The following MDGA2 variants were observed in gnomAD, a reference collection of about 807,000 sequenced individuals.
The protein encoded by MDGA2 is MAM domain-containing glycosylphosphatidylinositol anchor protein 2.
In MDGA2, 40 loss-of-function variants were observed where a neutral mutation model predicts 117.8. That is an observed-to-expected ratio of 0.34 (90% CI 0.26 to 0.44). The LOEUF (loss-of-function observed/expected upper bound fraction) is 0.44, where lower values mean the gene tolerates loss of function less well. Among genes scored for constraint, MDGA2 ranks in the 20% least tolerant of loss-of-function variants. MDGA2 has a pLI of 1.00. For missense variants in MDGA2, 1,123 were observed against 1,250.6 expected (o/e 0.90, Z 1.54); for synonymous variants, 452 against 439.0 (o/e 1.03, Z -0.37).
chr14:47,652,381 C>T (rs374185715), intron 1 of MDGA2, among the ~76,000 whole-genome samples: 5 of 152,164 alleles, frequency 3.3e-5, no homozygotes, highest in East Asian at 3.9e-4. Flanking sequence ...ACAGAGAAAT[C>T]GGAACTTTTA....
intron 8 of MDGA2, among the ~76,000 whole-genome samples, chr14:47,023,197 G>GCAAAAAAAAAAAAAAAAAAAAAAA: frequency 1.4e-5 from 1 of 69,616 alleles, no homozygotes. Flanking sequence ...ATTCCCACTC[G>GCAAAAAAAAAAAAAAAAAAAAAAA]TAAAAAAAAA....
At chr14:47,019,986 G>C (rs554721215) in intron 8 of MDGA2, among the ~76,000 whole-genome samples, 1 of 152,096 alleles carries the variant, frequency 6.6e-6, no homozygotes, top group Non-Finnish European at 1.5e-5. Context: ...CAGCGTAATT[G>C]GATGAATGCA....
At chr14:47,547,016 A>G (rs1216290760) in intron 1 of MDGA2, among the ~76,000 whole-genome samples, 1 of 152,192 alleles carries the variant, frequency 6.6e-6, no homozygotes, top group African/African-American at 2.4e-5. Context: ...TGTTTTTTAA[A>G]AAAAATTATC....
At chr14:47,436,139 T>C (rs558968312) in intron 1 of MDGA2, among the ~76,000 whole-genome samples, 2 of 152,206 alleles carry the variant, frequency 1.3e-5, no homozygotes, top group South Asian at 2.1e-4. Flanking sequence ...CAGGGAAAAC[T>C]CATCCATAAA....
chr14:47,182,632 T>A (rs958774536), intron 3 of MDGA2, among the ~76,000 whole-genome samples: 1 of 152,206 alleles, frequency 6.6e-6, no homozygotes, highest in South Asian at 2.1e-4. Flanking sequence ...ATACCCAGTC[T>A]GCAGTATTGT....
chr14:47,592,713 T>C (rs1896464189), intron 1 of MDGA2, among the ~76,000 whole-genome samples: 1 of 152,154 alleles, frequency 6.6e-6, no homozygotes, highest in African/African-American at 2.4e-5. Flanking sequence ...ACCATTTCCT[T>C]ACACCTTACA....
intron 1 of MDGA2, among the ~76,000 whole-genome samples, chr14:47,369,322 T>G (rs1349173125): frequency 6.6e-6 from 1 of 152,066 alleles, no homozygotes; most frequent in Non-Finnish European, 1.5e-5. Flanking sequence ...GAACAAAAAA[T>G]AATACAGAGA....
intron 8 of MDGA2, among the ~76,000 whole-genome samples, chr14:46,999,517 A>G (rs1887426899): frequency 6.6e-6 from 1 of 152,118 alleles, no homozygotes; most frequent in Non-Finnish European, 1.5e-5. Flanking sequence ...AGAGTAGAAA[A>G]AATTTTCCCC....
chr14:46,986,895 T>C (rs1954228), intron 8 of MDGA2, among the ~76,000 whole-genome samples: 40,333 of 151,976 alleles, frequency 0.27, 5,925 homozygotes, highest in African/African-American at 0.38. Context: ...TTGATTTTCA[T>C]GACCATTCTG....
chr14:47,632,326 T>C (rs1897257844), intron 1 of MDGA2, among the ~76,000 whole-genome samples: 1 of 152,192 alleles, frequency 6.6e-6, no homozygotes, highest in Non-Finnish European at 1.5e-5. Flanking sequence ...ATCCAATCAT[T>C]GAGTCCAAAC....
At chr14:46,972,154 G>C (rs1215933584) in intron 8 of MDGA2, among the ~76,000 whole-genome samples, 1 of 151,980 alleles carries the variant, frequency 6.6e-6, no homozygotes, top group African/African-American at 2.4e-5. Context: ...CAATCTAGTG[G>C]GGCTGAGTCC....
chr14:47,561,893 T>C (rs1379714302), intron 1 of MDGA2, among the ~76,000 whole-genome samples: 2 of 152,204 alleles, frequency 1.3e-5, no homozygotes, highest in Non-Finnish European at 2.9e-5. Flanking sequence ...TATTTTAAAG[T>C]ATATTCCTTC....
intron 1 of MDGA2, among the ~76,000 whole-genome samples, chr14:47,565,085 A>G (rs188120810): frequency 7.3e-5 from 11 of 151,400 alleles, no homozygotes; most frequent in Non-Finnish European, 1.5e-4. Flanking sequence ...CTTTGCTCCT[A>G]TCTGTATTCT....
intron 2 of MDGA2, among the ~76,000 whole-genome samples, chr14:47,218,739 A>G (rs1411096038): frequency 6.6e-6 from 1 of 152,084 alleles, no homozygotes; most frequent in African/African-American, 2.4e-5. Context: ...TTTTCCTTTG[A>G]TGGCTTTGCT....
rs1332389893 is a variant in MDGA2, at chr14:46,929,599, G to GTATA, written c.2090-9440_2090-9439insTATA. On this transcript the variant is annotated intron_variant, in intron 9 of 16. Transcript: ENST00000399232. The stretch of plus-strand genomic sequence containing the variant: ...TATATACGTGTGTGTGTGTGTGTGT[G>GTATA]TGTATATATATATATATATATATAT... 3.1e-3 allele frequency among the ~76,000 whole-genome samples: 47 copies of GTATA among 15,230 alleles called. 1 individual carries two copies. The highest frequency in any genetic ancestry group is 4.7e-3 in the Admixed American group (4 of 850). 10.0% of individuals were successfully genotyped at this position (15,230 alleles called of 152,430 possible).
chr14:47,296,994 C>T (rs1213333543), intron 2 of MDGA2, among the ~76,000 whole-genome samples: 2 of 152,190 alleles, frequency 1.3e-5, no homozygotes, highest in Non-Finnish European at 2.9e-5. Context: ...ACATGAATTG[C>T]TGGCCCCAAT....
chr14:46,904,447 T>C (rs981881844), intron 10 of MDGA2, among the ~76,000 whole-genome samples: 1 of 151,958 alleles, frequency 6.6e-6, no homozygotes, highest in Non-Finnish European at 1.5e-5. Context: ...CTGGCATTAA[T>C]AGCAGAAGTG....
chr14:47,112,737 A>G (rs146000765), intron 5 of MDGA2, among the ~76,000 whole-genome samples: 2,624 of 152,270 alleles, frequency 0.017, 72 homozygotes, highest in African/African-American at 0.06. Context: ...AATGATTTAT[A>G]TTCCTTTAGG....
In MDGA2 at chr14:47,058,784, T is replaced by C. The variant is rs1377780310; in HGVS notation, c.1525+2465A>G. On this transcript the variant is annotated intron_variant, in intron 7 of 16. Coordinates refer to ENST00000399232, the MANE Select transcript of MDGA2 (RefSeq NM_001113498.3). ...TAATCATCTTCAGTAACTCATTCTTTAGGTTAGGCATCATCTTCTGTAGGC... is the reference window on the plus strand; with the variant it reads ...TAATCATCTTCAGTAACTCATTCTTCAGGTTAGGCATCATCTTCTGTAGGC... 3.0e-6 allele frequency: 3 copies of C among 985,338 alleles called. No individual in the cohort carries two copies. The African/African-American group carries it at 5.2e-5, about 17-fold the overall frequency. The allele number at this position is 985,338 out of a possible 1,614,324, so 61.0% of individuals were successfully genotyped here.
Sources: allele counts gnomAD v4.1 joint callset (sites outside exome capture counted in the v4.1 genomes callset), GRCh38; gene constraint gnomAD v4.1.1; transcripts MANE v1.5; gene names NCBI Gene and HGNC (gene_info 2026-07-23, HGNC 2026-07-21).